The following ASTN2 variants were observed in gnomAD, a reference collection of about 807,000 sequenced individuals.
ASTN2 encodes astrotactin 2.
ASTN2 carries 54 observed loss-of-function variants against 139.8 expected under a neutral mutation model. The ratio of observed to expected loss-of-function variants is 0.39; its 90% CI spans 0.31 to 0.48. The LOEUF is 0.48. Ranked by LOEUF, ASTN2 falls within the 20% of genes least tolerant of loss-of-function variation. ASTN2 has a pLI of 0.95. For synonymous variants in ASTN2, 756 were observed against 719.5 expected, an observed-to-expected ratio of 1.05 and a Z score of -0.81; for missense variants, 1,565 against 1,725.1, an observed-to-expected ratio of 0.91 and a Z score of 1.64.
intron 4 of ASTN2, among the ~76,000 whole-genome samples, chr9:117,132,503 C>T (rs1386113738): frequency 6.6e-6 from 1 of 152,180 alleles, no homozygotes; most frequent in African/African-American, 2.4e-5. Flanking sequence ...CTTTCAGTTG[C>T]CTCTCCATCC....
At chr9:116,562,454 G>C (rs1403218550) in intron 19 of ASTN2, among the ~76,000 whole-genome samples, 1 of 151,892 alleles carries the variant, frequency 6.6e-6, no homozygotes, top group Admixed American at 6.6e-5. Context: ...CATGCTTCTT[G>C]GGCTGGGCAC....
chr9:116,987,558 G>A (rs1056808180), intron 7 of ASTN2, among the ~76,000 whole-genome samples: 1 of 152,152 alleles, frequency 6.6e-6, no homozygotes, highest in Non-Finnish European at 1.5e-5. Flanking sequence ...CATGCTTCCT[G>A]TACAGCCTGT....
In ASTN2 at chr9:116,787,486, C is replaced by G. The variant is rs1830405764; in HGVS notation, c.2396+18146G>C. Among the ~76,000 whole-genome samples the G allele has an allele frequency of 2.0e-5, 3 of 152,134 alleles. No homozygotes were observed. The South Asian group carries it at 6.2e-4, about 32-fold the overall frequency. On this transcript the variant is annotated intron_variant, in intron 13 of 22. Transcript: ENST00000313400. ...TAGTCTTTGTGGAAGGGTGGAAGCC[C>G]AACTTCCATGGACACCAATTAGCAA...
intron 17 of ASTN2, among the ~76,000 whole-genome samples, chr9:116,642,351 T>C (rs1588131036): frequency 1.3e-5 from 2 of 152,084 alleles, no homozygotes; most frequent in Non-Finnish European, 2.9e-5. Flanking sequence ...TGCTGATTGC[T>C]TATTTCATGT....
chr9:116,594,053 G>T (rs548616843), intron 19 of ASTN2, among the ~76,000 whole-genome samples: 1 of 152,264 alleles, frequency 6.6e-6, no homozygotes, highest in South Asian at 2.1e-4. Flanking sequence ...CAATGATGCC[G>T]TGGGACCTCT....
intron 12 of ASTN2, among the ~76,000 whole-genome samples, chr9:116,816,916 T>TAAAA (rs1831345111): frequency 6.6e-6 from 1 of 151,614 alleles, no homozygotes; most frequent in African/African-American, 2.4e-5. Flanking sequence ...AATAAATAAA[T>TAAAA]AAATAGACGA....
intron 19 of ASTN2, among the ~76,000 whole-genome samples, chr9:116,504,505 C>T (rs1427552883): frequency 5.3e-5 from 8 of 152,150 alleles, no homozygotes; most frequent in Admixed American, 5.2e-4. Flanking sequence ...TTAATCTTTT[C>T]TGATACTTAC....
intron 19 of ASTN2, among the ~76,000 whole-genome samples, chr9:116,508,523 G>A (rs1232175573): frequency 6.6e-6 from 1 of 151,966 alleles, no homozygotes; most frequent in African/African-American, 2.4e-5. Flanking sequence ...CTGCCATTTG[G>A]GAAGCCCTAA....
chr9:117,036,899 A>C (rs772531176), intron 6 of ASTN2, among the ~76,000 whole-genome samples: 22 of 152,142 alleles, frequency 1.4e-4, no homozygotes, highest in Non-Finnish European at 1.0e-4. Flanking sequence ...TCTGCAGACA[A>C]ATCCTGGGTA....
Position 116,863,543 on chromosome 9 carries a change from C to T in ASTN2, c.2040+40G>A, listed in dbSNP as rs754030223. 27 of 1,605,886 alleles carry T rather than the reference C, an allele frequency of 1.7e-5. No individual in the cohort carries two copies. In the Admixed American group the frequency reaches 2.0e-4, roughly 12 times the overall value. On this transcript the variant is annotated intron_variant, in intron 11 of 22. Coordinates refer to ENST00000313400, the MANE Select transcript of ASTN2 (RefSeq NM_001365068.1). The stretch of plus-strand genomic sequence containing the variant: ...GGGCTTCTAGCAGGTGGCCTTAGCC[C>T]CTGGGCCACTGCCATGTTCCCGGGC...
rs1832244037 is a variant in ASTN2, at chr9:117,214,475, C to G, written c.898G>C (p.Glu300Gln). The G allele has an allele frequency of 6.2e-7, 1 of 1,614,066 alleles. No individual in the cohort carries two copies. Among genetic ancestry groups the G allele is most frequent in the Non-Finnish European group, 8.5e-7 (1 of 1,180,042 alleles). ...ACATGGTTGGCCCGCCTAGGTGGCT[C>G]CTCATCCTCCTCACAGTCATAGTCA... ...LDDYDCEEDE[E>Q]PPRRANHVSR... is the part of the protein sequence containing the mutation. Residue 300 changes from glutamate to glutamine, a missense_variant, in exon 3 of 23, where the codon GAG becomes CAG. By Grantham distance (29) the Glu-to-Gln change is conservative. This residue lies in a region of ASTN2 where 596 missense variants were observed against 576.8 expected (regional missense o/e 1.03). Transcript: ENST00000313400.
At chr9:116,981,791 C>T (rs189003287) in intron 7 of ASTN2, among the ~76,000 whole-genome samples, 39 of 152,252 alleles carry the variant, frequency 2.6e-4, no homozygotes, top group African/African-American at 8.4e-4. Context: ...CCCTTAAGTA[C>T]ATTAAAAACA....
At chr9:116,631,806 G>A (rs1197290068) in intron 17 of ASTN2, among the ~76,000 whole-genome samples, 2 of 152,072 alleles carry the variant, frequency 1.3e-5, no homozygotes, top group Non-Finnish European at 2.9e-5. Flanking sequence ...ATTATACATT[G>A]CATGCATGTA....
chr9:116,696,171 C>T (rs190204413), intron 16 of ASTN2, among the ~76,000 whole-genome samples: 333 of 152,264 alleles, frequency 2.2e-3, no homozygotes, highest in African/African-American at 7.7e-3. Context: ...GCTCAAAAAT[C>T]TCATTTTGGC....
intron 3 of ASTN2, among the ~76,000 whole-genome samples, chr9:117,207,086 C>A (rs1831952424): frequency 6.6e-6 from 1 of 152,112 alleles, no homozygotes; most frequent in African/African-American, 2.4e-5. Flanking sequence ...GCTGGCCAGG[C>A]AGCTGCGCAC....
chr9:116,998,323 G>T (rs1406594067), intron 7 of ASTN2, among the ~76,000 whole-genome samples: 1 of 152,106 alleles, frequency 6.6e-6, no homozygotes, highest in Non-Finnish European at 1.5e-5. Flanking sequence ...ATAAAGGACA[G>T]AATTTACCTT....
At chr9:117,061,314 A>T (rs958711293) in intron 5 of ASTN2, among the ~76,000 whole-genome samples, 5 of 151,994 alleles carry the variant, frequency 3.3e-5, no homozygotes, top group African/African-American at 4.8e-5. Flanking sequence ...TCTTATCCTA[A>T]TTTTTTTGCC....
chr9:116,603,658 A>G (rs1855028882), intron 19 of ASTN2, among the ~76,000 whole-genome samples: 1 of 152,234 alleles, frequency 6.6e-6, no homozygotes, highest in Non-Finnish European at 1.5e-5. Flanking sequence ...GGGAATAACA[A>G]TGTCATAGAC....
Position 117,039,928 on chromosome 9 carries a change from T to A in ASTN2, c.1314A>T (p.Thr438=), listed in dbSNP as rs762329993. 1.9e-6 allele frequency: 3 copies of A among 1,613,600 alleles called. No homozygotes were observed. Among genetic ancestry groups the A allele is most frequent in the Middle Eastern group, 1.6e-4 (1 of 6,076 alleles). ...GGATGCAGGAACTCACAGCAATCAG[T>A]GTCAGGGCTGTCTTGTTCACTGGGC... ...LKSPVNKTAL[T]LIAVSSCILA... The change falls in exon 6 of 23, where the codon ACA becomes ACT. Residue 438 remains threonine, a synonymous_variant. Coordinates refer to ENST00000313400, the MANE Select transcript of ASTN2 (RefSeq NM_001365068.1).
Sources: gnomAD v4.1 joint callset for allele counts (sites outside exome capture counted in the v4.1 genomes callset) on GRCh38, gnomAD v4.1.1 for gene constraint, gnomAD v4.1.1 regional missense constraint, MANE v1.5 for transcripts, NCBI Gene and HGNC (gene_info 2026-07-23, HGNC 2026-07-21) for gene names.